The following SCP2 variants were observed in gnomAD, a reference collection of about 807,000 sequenced individuals.
SCP2 encodes the protein sterol carrier protein 2.
Under a neutral mutation model 71.4 loss-of-function variants are expected in SCP2, and 48 were observed. That is an observed-to-expected ratio of 0.67 (90% confidence interval 0.53 to 0.86). SCP2 has a LOEUF of 0.86. Among genes scored for constraint, SCP2 ranks in the 40% least tolerant of loss-of-function variants. The pLI is 0.00. For synonymous variants in SCP2, 220 were observed against 218.1 expected (o/e 1.01, Z -0.08); for missense variants, 560 against 655.6 (o/e 0.85, Z 1.59).
At chr1:53,035,295 C>T (rs1572218710) in intron 13 of SCP2, among the ~76,000 whole-genome samples, 1 of 151,850 alleles carries the variant, frequency 6.6e-6, no homozygotes, top group East Asian at 1.9e-4. Context: ...TTGCAATAAC[C>T]TGGCCATAAA....
chr1:53,001,003 C>A lies in SCP2; in HGVS notation c.1081+12867C>A, dbSNP rs534480374. On this transcript the variant is annotated intron_variant, in intron 11 of 15. Coordinates refer to ENST00000371514, the MANE Select transcript of SCP2 (RefSeq NM_002979.5). ...TATATATTACATATGTTCTCTCTCTCTATATGTATGTTCCTGTCCTACCCT... is the reference window on the plus strand; with the variant it reads ...TATATATTACATATGTTCTCTCTCTATATATGTATGTTCCTGTCCTACCCT... 2.0e-4 allele frequency among the ~76,000 whole-genome samples: 30 copies of A among 152,098 alleles called. 1 individual carries two copies. Among genetic ancestry groups the A allele is most frequent in the South Asian group, 1.2e-3 (6 of 4,818 alleles).
chr1:53,006,496 T>G (rs1660646477), intron 11 of SCP2, among the ~76,000 whole-genome samples: 1 of 152,114 alleles, frequency 6.6e-6, no homozygotes, highest in African/African-American at 2.4e-5. Context: ...AAGAAAAGAA[T>G]TTTCAACCCA....
At chr1:52,973,664 T>C (rs565578047) in intron 6 of SCP2, among the ~76,000 whole-genome samples, 53 of 152,214 alleles carry the variant, frequency 3.5e-4, no homozygotes, top group African/African-American at 1.3e-3. Flanking sequence ...ATCTCCGTCT[T>C]CCGGGTTCAA....
chr1:53,001,458 C>T (rs1660312281), intron 11 of SCP2, among the ~76,000 whole-genome samples: 3 of 152,190 alleles, frequency 2.0e-5, no homozygotes, highest in African/African-American at 7.2e-5. Context: ...TATACAAACT[C>T]TACCTTTGTT....
At chr1:52,983,960 G>C (rs745331752) in intron 10 of SCP2, among the ~76,000 whole-genome samples, 1 of 152,190 alleles carries the variant, frequency 6.6e-6, no homozygotes, top group Non-Finnish European at 1.5e-5. Flanking sequence ...AAGCCAGTAT[G>C]TTCTGACAAT....
At chr1:53,028,195 T>C in intron 13 of SCP2, 124 bp downstream of exon 13, 1 of 654,020 alleles carries the variant, frequency 1.5e-6, no homozygotes, top group Admixed American at 2.2e-5. Context: ...GTATTGAGTG[T>C]AGTTAGATTT....
intron 12 of SCP2, among the ~76,000 whole-genome samples, chr1:53,023,977 C>G (rs1661928603): frequency 6.6e-6 from 1 of 152,140 alleles, no homozygotes; most frequent in Non-Finnish European, 1.5e-5. Flanking sequence ...AGAATTACAC[C>G]CATCTGATCC....
At chr1:52,998,756 C>T (rs1660113140) in intron 11 of SCP2, among the ~76,000 whole-genome samples, 1 of 152,122 alleles carries the variant, frequency 6.6e-6, no homozygotes, top group African/African-American at 2.4e-5. Flanking sequence ...TTGTTATCGG[C>T]GTATATTTCC....
At chr1:52,943,875 G>T in intron 2 of SCP2, 1 of 448,692 alleles carries the variant, frequency 2.2e-6, no homozygotes, top group African/African-American at 2.0e-5. Flanking sequence ...ATAGCCAGTT[G>T]CTTCCTGGAT....
intron 14 of SCP2, among the ~76,000 whole-genome samples, chr1:53,039,839 C>G (rs746428737): frequency 5.3e-5 from 8 of 152,194 alleles, no homozygotes; most frequent in Non-Finnish European, 1.2e-4. Flanking sequence ...CACTGAACTA[C>G]AAGGTATACA....
chr1:52,992,580 A>G (rs949692978), intron 11 of SCP2, among the ~76,000 whole-genome samples: 1 of 152,216 alleles, frequency 6.6e-6, no homozygotes, highest in African/African-American at 2.4e-5. Flanking sequence ...GAATATTACC[A>G]TCTTCAAGAG....
intron 13 of SCP2, among the ~76,000 whole-genome samples, chr1:53,036,101 G>T (rs1662930071): frequency 6.6e-6 from 1 of 150,598 alleles, no homozygotes; most frequent in Admixed American, 6.6e-5. Context: ...CAGGATATTG[G>T]TTAAATAAAT....
chr1:52,983,235 C>G (rs1385138599), intron 10 of SCP2, among the ~76,000 whole-genome samples: 2 of 152,132 alleles, frequency 1.3e-5, no homozygotes, highest in African/African-American at 2.4e-5. Flanking sequence ...TGTGATGGGC[C>G]ATTTTTCTCT....
At chr1:53,023,131 T>G (rs78611702) in intron 12 of SCP2, among the ~76,000 whole-genome samples, 2,867 of 152,252 alleles carry the variant, frequency 0.019, 100 homozygotes, top group African/African-American at 0.065. Flanking sequence ...TTTTAAGGAA[T>G]GAGGGGTTTT....
Position 53,008,164 on chromosome 1 carries a change from G to A in SCP2, c.1082-6726G>A, listed in dbSNP as rs141005144. Among the ~76,000 whole-genome samples, 949 of 152,254 alleles carry A rather than the reference G, an allele frequency of 6.2e-3. 14 individuals carry two copies. The highest frequency in any genetic ancestry group is 0.022 in the African/African-American group (912 of 41,528). ...AGCCTACCAACCAAAAAAAGTCCAG[G>A]ACCAGACGGATTCACAGCCGAATTC... On this transcript the variant is annotated intron_variant, in intron 11 of 15. Coordinates refer to ENST00000371514, the MANE Select transcript of SCP2 (RefSeq NM_002979.5).
intron 1 of SCP2, among the ~76,000 whole-genome samples, chr1:52,929,772 A>G (rs1652962746): frequency 6.6e-6 from 1 of 151,952 alleles, no homozygotes; most frequent in Non-Finnish European, 1.5e-5. Context: ...ACAGGTGCCC[A>G]CCACCACGTC....
rs565478964 is a variant in SCP2, at chr1:53,013,235, C to A, written c.1082-1655C>A. Among the ~76,000 whole-genome samples the A allele has an allele frequency of 2.0e-5, 3 of 150,864 alleles. No individual in the cohort carries two copies. The East Asian group carries it at 5.8e-4, about 29-fold the overall frequency. On this transcript the variant is annotated intron_variant, in intron 11 of 15. Coordinates refer to ENST00000371514, the MANE Select transcript of SCP2 (RefSeq NM_002979.5). ...GGCTCAGGCCATCCTCCTTCCTCAG[C>A]CTCTTGAGTAGCTAGGGCTACAGAC...
At chr1:53,021,365 G>T (rs1661710328) in intron 12 of SCP2, among the ~76,000 whole-genome samples, 1 of 144,758 alleles carries the variant, frequency 6.9e-6, no homozygotes, top group South Asian at 2.2e-4. Flanking sequence ...CGCCCAGGCT[G>T]GAGTGCAGTT....
At chr1:52,987,672 AAAG>A (rs1376477442) in intron 10 of SCP2, among the ~76,000 whole-genome samples, 3 of 152,202 alleles carry the variant, frequency 2.0e-5, no homozygotes, top group African/African-American at 7.2e-5. Flanking sequence ...TGAAAATAGA[AAAG>A]AACACATTTT....
Sources: allele counts gnomAD v4.1 joint callset (sites outside exome capture counted in the v4.1 genomes callset), GRCh38; gene constraint gnomAD v4.1.1; transcripts MANE v1.5; gene names NCBI Gene and HGNC (gene_info 2026-07-23, HGNC 2026-07-21).